Variants in NTM observed in about 807,000 individuals in gnomAD.
NTM encodes neurotrimin, also known as IgLON family member 2.
In NTM, 13 loss-of-function variants were observed where a neutral mutation model predicts 42.1. The observed-to-expected ratio is 0.31, with a 90% CI of 0.20 to 0.49. The LOEUF (loss-of-function observed/expected upper bound fraction) is 0.49. Among genes scored for constraint, NTM ranks in the 20% least tolerant of loss-of-function variants. The pLI, the probability that NTM is intolerant of heterozygous loss-of-function variation, is 0.99. For missense variants in NTM, 373 were observed against 452.8 expected (o/e 0.82, Z 1.60); for synonymous variants, 187 against 179.2 (o/e 1.04, Z -0.35).
chr11:131,586,764 GC>G (rs2058902541), intron 1 of NTM, among the ~76,000 whole-genome samples: 1 of 152,114 alleles, frequency 6.6e-6, no homozygotes, highest in Admixed American at 6.5e-5. Context: ...CTCTTAAGGT[GC>G]TTTAAAGAAA....
intron 2 of NTM, among the ~76,000 whole-genome samples, chr11:132,115,458 C>T (rs56109018): frequency 0.42 from 63,400 of 151,928 alleles, 13,703 homozygotes; most frequent in African/African-American, 0.51. Flanking sequence ...CAATTATTCC[C>T]CAAGAAAGCT....
At chr11:132,107,376 G>T (rs1308155999) in intron 2 of NTM, among the ~76,000 whole-genome samples, 4 of 128,770 alleles carry the variant, frequency 3.1e-5, no homozygotes, top group African/African-American at 1.3e-4. Context: ...TTTGAGACAG[G>T]GTTTCAGTCT....
At chr11:132,331,430 G>A (rs2095799074) in intron 8 of NTM, among the ~76,000 whole-genome samples, 1 of 152,206 alleles carries the variant, frequency 6.6e-6, no homozygotes. Context: ...AAGGTATTTG[G>A]AAGAGGAAAT....
chr11:131,872,453 T>C (rs1365846327), intron 1 of NTM, among the ~76,000 whole-genome samples: 1 of 152,220 alleles, frequency 6.6e-6, no homozygotes, highest in Non-Finnish European at 1.5e-5. Context: ...TATTGGCTTG[T>C]TCAGCCAGGA....
intron 1 of NTM, among the ~76,000 whole-genome samples, chr11:131,834,625 C>CATACATAT (rs1555148244): frequency 1.5e-5 from 2 of 133,978 alleles, no homozygotes; most frequent in Middle Eastern, 4.1e-3. Context: ...TATACATATA[C>CATACATAT]ATATATATAT....
chr11:131,987,897 G>A (rs1011632942), intron 2 of NTM, among the ~76,000 whole-genome samples: 24 of 152,218 alleles, frequency 1.6e-4, no homozygotes, highest in African/African-American at 4.3e-4. Flanking sequence ...TGCTGGAAAC[G>A]CAGAGATGAC....
intron 7 of NTM, chr11:132,314,971 C>A (rs558118793): frequency 1.3e-5 from 16 of 1,194,874 alleles, no homozygotes; most frequent in Non-Finnish European, 1.5e-5. Context: ...AAAAGTAGAT[C>A]TCAGAAGTGG....
At chr11:132,310,805 G>A (rs1024807502) in intron 6 of NTM, among the ~76,000 whole-genome samples, 2 of 152,086 alleles carry the variant, frequency 1.3e-5, no homozygotes, top group African/African-American at 2.4e-5. Flanking sequence ...CAGCATCCTC[G>A]GGATATTTGT....
rs1314544380 is a variant in NTM, at chr11:132,179,022, A to G, written c.400+32508A>G. On this transcript the variant is annotated intron_variant, in intron 3 of 8. Coordinates refer to ENST00000683400, the MANE Select transcript of NTM (RefSeq NM_001352005.2). ...CCTGGTCTTATTTATTTTTCCGTTC[A>G]TTTATTGAGTACCTGCTATGGTTTC... Among the ~76,000 whole-genome samples, 5 of 152,246 alleles carry G rather than the reference A, an allele frequency of 3.3e-5. No homozygotes were observed. The East Asian group carries it at 9.7e-4, about 29-fold the overall frequency.
intron 1 of NTM, among the ~76,000 whole-genome samples, chr11:131,461,849 G>T (rs1951409760): frequency 6.6e-6 from 1 of 152,020 alleles, no homozygotes; most frequent in Admixed American, 6.6e-5. Context: ...CAATAAAGCT[G>T]AAAAAAGAGA....
chr11:131,604,882 T>C (rs924456867), intron 1 of NTM, among the ~76,000 whole-genome samples: 1 of 119,036 alleles, frequency 8.4e-6, no homozygotes, highest in Non-Finnish European at 1.9e-5. Flanking sequence ...TATGTGAGGG[T>C]TTTTTTTTCT....
At position 131,996,941 on chromosome 11, in the gene NTM, C is replaced by T. The variant is rs753793047; in HGVS notation, c.167+85293C>T. Among the ~76,000 whole-genome samples, 4 of 152,288 alleles carry T rather than the reference C, an allele frequency of 2.6e-5. No individual in the cohort carries two copies. The South Asian group carries it at 8.3e-4, about 32-fold the overall frequency. ...ATGGGAATTCACCCAATAGTTCATCCAAACATATCACTGGCTTCCTACCTT... is the reference window on the plus strand; with the variant it reads ...ATGGGAATTCACCCAATAGTTCATCTAAACATATCACTGGCTTCCTACCTT... On this transcript the variant is annotated intron_variant, in intron 2 of 8. Transcript: ENST00000683400.
chr11:132,167,945 C>T (rs577322612), intron 3 of NTM, among the ~76,000 whole-genome samples: 15 of 152,332 alleles, frequency 9.8e-5, no homozygotes, highest in Non-Finnish European at 1.8e-4. Flanking sequence ...AAACGACTAA[C>T]TGGAAATACT....
At chr11:132,209,148 A>G (rs2082436308) in intron 3 of NTM, among the ~76,000 whole-genome samples, 1 of 152,254 alleles carries the variant, frequency 6.6e-6, no homozygotes, top group African/African-American at 2.4e-5. Context: ...TGATTCCAGA[A>G]CTAAGAGAAT....
chr11:132,127,694 C>T (rs995263396), intron 2 of NTM, among the ~76,000 whole-genome samples: 4 of 152,248 alleles, frequency 2.6e-5, no homozygotes, highest in Non-Finnish European at 4.4e-5. Context: ...AGCGGCATTC[C>T]GGCGGATTAC....
intron 2 of NTM, among the ~76,000 whole-genome samples, chr11:131,913,154 A>G (rs2055559497): frequency 6.6e-6 from 1 of 152,224 alleles, no homozygotes; most frequent in Non-Finnish European, 1.5e-5. Context: ...CAGTGATTTC[A>G]GACTACTTAA....
chr11:132,033,670 G>A (rs1037571016), intron 2 of NTM, among the ~76,000 whole-genome samples: 2 of 152,202 alleles, frequency 1.3e-5, no homozygotes, highest in African/African-American at 4.8e-5. Flanking sequence ...AGCGTGAGAA[G>A]CATATTACCA....
chr11:132,127,807 T>C (rs2066107536), intron 2 of NTM, among the ~76,000 whole-genome samples: 1 of 152,174 alleles, frequency 6.6e-6, no homozygotes, highest in Admixed American at 6.5e-5. Context: ...GCGAGCAAAT[T>C]GAAGAAGTTG....
chr11:131,734,064 C>A (rs2080090778), intron 1 of NTM, among the ~76,000 whole-genome samples: 1 of 152,134 alleles, frequency 6.6e-6, no homozygotes, highest in Admixed American at 6.5e-5. Context: ...TGGCAGACTG[C>A]AGTGGGGCAC....
Sources: allele counts gnomAD v4.1 joint callset (sites outside exome capture counted in the v4.1 genomes callset), GRCh38; gene constraint gnomAD v4.1.1; transcripts MANE v1.5; gene names NCBI Gene and HGNC (gene_info 2026-07-23, HGNC 2026-07-21).